Variants in CDK14 observed in about 807,000 individuals in gnomAD.
CDK14 encodes the protein cyclin-dependent kinase 14.
CDK14 carries 34 observed loss-of-function variants against 60.7 expected under a neutral mutation model. That is an observed-to-expected ratio of 0.56 (90% CI 0.43 to 0.75). The LOEUF is 0.75. Among genes scored for constraint, CDK14 ranks in the 30% least tolerant of loss-of-function variants. The pLI, the probability that CDK14 is intolerant of heterozygous loss-of-function variation, is 0.00. For missense variants in CDK14, 482 were observed against 564.1 expected, an observed-to-expected ratio of 0.85 and a Z score of 1.47; for synonymous variants, 197 against 203.7, an observed-to-expected ratio of 0.97 and a Z score of 0.28.
intron 5 of CDK14, among the ~76,000 whole-genome samples, chr7:90,812,059 C>T (rs956773470): frequency 4.5e-4 from 68 of 152,240 alleles, no homozygotes; most frequent in Admixed American, 7.8e-4. Context: ...GTCAGTGTGG[C>T]GATTCCTCAG....
chr7:90,932,429 C>G lies in CDK14; in HGVS notation c.826+14705C>G, dbSNP rs373414254. On this transcript the variant is annotated intron_variant, in intron 8 of 14. Coordinates refer to ENST00000380050, the MANE Select transcript of CDK14 (RefSeq NM_001287135.2). ...TTAGGAAAAATGTCCTTGATCAAAT[C>G]TGTTTGGGGTGAGCTGCATATGTGC... 1.5e-3 allele frequency among the ~76,000 whole-genome samples: 223 copies of G among 152,292 alleles called. 2 individuals are homozygous for G. The highest frequency in any genetic ancestry group is 4.9e-3 in the African/African-American group (205 of 41,556).
At chr7:90,637,288 C>G (rs1049283276) in intron 2 of CDK14, among the ~76,000 whole-genome samples, 4 of 151,590 alleles carry the variant, frequency 2.6e-5, no homozygotes, top group African/African-American at 9.7e-5. Flanking sequence ...ATAAATTTCC[C>G]TCTACACACT....
chr7:90,924,539 C>T (rs1463553334), intron 8 of CDK14, among the ~76,000 whole-genome samples: 1 of 152,148 alleles, frequency 6.6e-6, no homozygotes, highest in East Asian at 1.9e-4. Flanking sequence ...AAACCAGACT[C>T]CACTACTATA....
chr7:90,633,837 C>G (rs981343137), intron 2 of CDK14, among the ~76,000 whole-genome samples: 1 of 152,020 alleles, frequency 6.6e-6, no homozygotes, highest in Non-Finnish European at 1.5e-5. Flanking sequence ...TAAACTAAAT[C>G]AGTCTACAAA....
chr7:90,604,416 A>G (rs1033141420), intron 2 of CDK14, among the ~76,000 whole-genome samples, 167 bp downstream of exon 2: 1 of 152,258 alleles, frequency 6.6e-6, no homozygotes, highest in Non-Finnish European at 1.5e-5. Context: ...ATAATCGTTC[A>G]AATGAGTTTT....
At chr7:90,720,601 T>C (rs2116685695) in intron 2 of CDK14, among the ~76,000 whole-genome samples, 1 of 152,326 alleles carries the variant, frequency 6.6e-6, no homozygotes, top group East Asian at 1.9e-4. Flanking sequence ...TTTTGACATA[T>C]TCTAGATACT....
At chr7:90,646,394 T>C (rs1446115826) in intron 2 of CDK14, among the ~76,000 whole-genome samples, 1 of 152,040 alleles carries the variant, frequency 6.6e-6, no homozygotes, top group Non-Finnish European at 1.5e-5. Context: ...CTGGTTCCTT[T>C]GATGGACTGC....
rs192278475 is a variant in CDK14 at position 90,701,117 on chromosome 7, C to T, written c.124-25450C>T. On this transcript the variant is annotated intron_variant, in intron 2 of 14. Coordinates refer to ENST00000380050, the MANE Select transcript of CDK14 (RefSeq NM_001287135.2). ...TAATTTTTAATAACCCTTTTTCCTT[C>T]GTGGCCAGAAGCCTTTAAAGGTCAG... Among the ~76,000 whole-genome samples the T allele has an allele frequency of 3.3e-5, 5 of 152,234 alleles. No individual in the cohort carries two copies. In the East Asian group the frequency reaches 5.8e-4, roughly 18 times the overall value.
chr7:91,056,930 G>A, intron 11 of CDK14, among the ~76,000 whole-genome samples: 1 of 152,048 alleles, frequency 6.6e-6, no homozygotes, highest in Non-Finnish European at 1.5e-5. Context: ...ACCCAGTAAT[G>A]GGATGGCTGG....
At chr7:90,997,172 G>A (rs761208356) in intron 10 of CDK14, among the ~76,000 whole-genome samples, 1 of 152,188 alleles carries the variant, frequency 6.6e-6, no homozygotes, top group Non-Finnish European at 1.5e-5. Flanking sequence ...TCTCTTCAGT[G>A]TCTGCCTTGC....
intron 3 of CDK14, among the ~76,000 whole-genome samples, chr7:90,737,460 T>C (rs1562745380): frequency 6.6e-6 from 1 of 152,188 alleles, no homozygotes; most frequent in Non-Finnish European, 1.5e-5. Flanking sequence ...TAGATACTTG[T>C]TCTTAAGGTG....
intron 10 of CDK14, among the ~76,000 whole-genome samples, chr7:91,020,089 A>T (rs553808606): frequency 6.6e-6 from 1 of 152,308 alleles, no homozygotes; most frequent in Non-Finnish European, 1.5e-5. Context: ...TGGTAGAAAG[A>T]TAAGAAGGGC....
intron 5 of CDK14, among the ~76,000 whole-genome samples, chr7:90,829,612 A>G (rs1789843848): frequency 6.6e-6 from 1 of 151,856 alleles, no homozygotes; most frequent in Non-Finnish European, 1.5e-5. Context: ...GCTCACGGCA[A>G]CCTCCGCCCC....
chr7:90,646,326 G>A (rs1800467269), intron 2 of CDK14, among the ~76,000 whole-genome samples: 1 of 150,794 alleles, frequency 6.6e-6, no homozygotes, highest in Non-Finnish European at 1.5e-5. Flanking sequence ...TAATTCTGCT[G>A]GAGGTGATTT....
intron 9 of CDK14, among the ~76,000 whole-genome samples, chr7:90,970,318 G>A (rs1584183092): frequency 1.3e-5 from 2 of 152,276 alleles, no homozygotes; most frequent in African/African-American, 2.4e-5. Flanking sequence ...CAGTGCATTA[G>A]CAATGATGGT....
At chr7:90,708,693 T>C (rs1801955862) in intron 2 of CDK14, among the ~76,000 whole-genome samples, 1 of 152,204 alleles carries the variant, frequency 6.6e-6, no homozygotes, top group South Asian at 2.1e-4. Flanking sequence ...ATCATCATTG[T>C]ATACCCTAGT....
chr7:90,899,972 G>A (rs971847351), intron 7 of CDK14, among the ~76,000 whole-genome samples: 1 of 152,068 alleles, frequency 6.6e-6, no homozygotes, highest in Non-Finnish European at 1.5e-5. Flanking sequence ...GCTTAATTAT[G>A]TACTTACATT....
At chr7:91,108,308 A>G (rs998604039) in intron 12 of CDK14, among the ~76,000 whole-genome samples, 2 of 152,326 alleles carry the variant, frequency 1.3e-5, no homozygotes, top group African/African-American at 4.8e-5. Flanking sequence ...CTCTGTCTCA[A>G]AAAAGAAAAA....
chr7:91,173,597 A>G (rs200176286), intron 14 of CDK14, among the ~76,000 whole-genome samples: 1 of 151,876 alleles, frequency 6.6e-6, no homozygotes, highest in African/African-American at 2.4e-5. Context: ...CAGTGGGTGC[A>G]TGCACCGTGC....
Sources: allele counts gnomAD v4.1 joint callset (sites outside exome capture counted in the v4.1 genomes callset), GRCh38; gene constraint gnomAD v4.1.1; transcripts MANE v1.5; gene names NCBI Gene and HGNC (gene_info 2026-07-23, HGNC 2026-07-21).